TMEM154: variants seen among roughly 807,000 people sequenced by gnomAD.
TMEM154 encodes transmembrane protein 154.
In TMEM154, 27 loss-of-function variants were observed where a neutral mutation model predicts 24.5. The ratio of observed to expected loss-of-function variants is 1.10; its 90% CI spans 0.81 to 1.52. The LOEUF (loss-of-function observed/expected upper bound fraction) is 1.52, where lower values mean the gene tolerates loss of function less well. Among genes scored for constraint, TMEM154 ranks in the 40% most tolerant of loss-of-function variants. The pLI is 0.00. For synonymous variants in TMEM154, 67 were observed against 76.8 expected (o/e 0.87, Z 0.67); for missense variants, 228 against 213.4 (o/e 1.07, Z -0.43).
intron 1 of TMEM154, among the ~76,000 whole-genome samples, chr4:152,678,188 G>C (rs1284057645): frequency 6.6e-6 from 1 of 152,048 alleles, no homozygotes; most frequent in East Asian, 1.9e-4. Context: ...AGTCTAAGGG[G>C]CAAAAATGAG....
In TMEM154 at chr4:152,641,094, C is replaced by T. The variant is rs570473734; in HGVS notation, c.479-109G>A. ...GTTCTCTGATCTGCGTGGTTACTTG[C>T]ACAAAAATGGCCTCACCAAGGAGTG... On this transcript the variant is annotated intron_variant, in intron 5 of 6. Coordinates refer to ENST00000304385, the MANE Select transcript of TMEM154 (RefSeq NM_152680.3). 133 of 1,005,406 alleles carry T rather than the reference C, an allele frequency of 1.3e-4. No homozygotes were observed. The African/African-American group carries it at 2.1e-3, about 16-fold the overall frequency. 62.3% of individuals were successfully genotyped at this position (1,005,406 alleles called of 1,614,324 possible).
At chr4:152,635,301 A>C (rs1752127081) in intron 6 of TMEM154, among the ~76,000 whole-genome samples, 1 of 152,156 alleles carries the variant, frequency 6.6e-6, no homozygotes, top group South Asian at 2.1e-4. Context: ...TTGTCTTTTA[A>C]TTTATGAAAT....
intron 3 of TMEM154, chr4:152,646,686 A>C (rs1579518377): frequency 7.5e-6 from 3 of 399,274 alleles, no homozygotes; most frequent in South Asian, 4.8e-5. Flanking sequence ...TTCAGTTCCT[A>C]CTTCCCCCCC....
rs1184208423 is a variant in TMEM154 at position 152,618,804 on chromosome 4, AATAC to A, written c.*9738_*9741del. ...TTTAATGTAGCTAAAAATACAATAC[AATAC>A]ACACAATAGGACAATATGAAATAAA... is the stretch of plus-strand genomic sequence containing the variant. On this transcript the variant is annotated 3_prime_UTR_variant, in exon 7 of 7. Transcript: ENST00000304385. The A allele has an allele frequency of 6.6e-6, 1 of 152,226 alleles. No individual in the cohort carries two copies. The highest frequency in any genetic ancestry group is 1.5e-5 in the Non-Finnish European group (1 of 68,040). The allele number at this position is 152,226 out of a possible 1,614,324, so 9.4% of individuals were successfully genotyped here.
Position 152,626,745 on chromosome 4 carries a change from C to A in TMEM154, c.*1801G>T, listed in dbSNP as rs911090503. The A allele has an allele frequency of 3.9e-5, 6 of 152,064 alleles. No homozygotes were observed. The highest frequency in any genetic ancestry group is 1.3e-4 in the Admixed American group (2 of 15,264). 9.4% of individuals were successfully genotyped at this position (152,064 alleles called of 1,614,324 possible). ...CCCAGGTGTTCAAAGATCTTAGATA[C>A]CTAAAGAGAGAAAGGGGCAAATGGA... On this transcript the variant is annotated 3_prime_UTR_variant, in exon 7 of 7. Transcript: ENST00000304385.
At chr4:152,635,779 G>T (rs1752136878) in intron 6 of TMEM154, among the ~76,000 whole-genome samples, 3 of 152,214 alleles carry the variant, frequency 2.0e-5, no homozygotes, top group Non-Finnish European at 4.4e-5. Flanking sequence ...CTAGCATATA[G>T]AAAATGTGAT....
At chr4:152,666,076 CA>C (rs1228027228) in intron 1 of TMEM154, among the ~76,000 whole-genome samples, 1 of 152,034 alleles carries the variant, frequency 6.6e-6, no homozygotes, top group Non-Finnish European at 1.5e-5. Context: ...CATGAGCCAC[CA>C]AGTCCTACCA....
rs1751911609 is a variant in TMEM154 at position 152,625,990 on chromosome 4, A to T, written c.*2556T>A. 6.6e-6 allele frequency: 1 copy of T among 152,194 alleles called. No individual in the cohort carries two copies. The highest frequency in any genetic ancestry group is 1.5e-5 in the Non-Finnish European group (1 of 68,020). 9.4% of individuals were successfully genotyped at this position (152,194 alleles called of 1,614,324 possible). ...GACCAGTTTTACTCATCTTTATCACATTTGTTTGATGTGGGTTATCCAGGA... is the reference window on the plus strand; with the variant it reads ...GACCAGTTTTACTCATCTTTATCACTTTTGTTTGATGTGGGTTATCCAGGA... On this transcript the variant is annotated 3_prime_UTR_variant, in exon 7 of 7. Coordinates refer to ENST00000304385, the MANE Select transcript of TMEM154 (RefSeq NM_152680.3).
At chr4:152,667,431 T>G (rs1262857407) in intron 1 of TMEM154, among the ~76,000 whole-genome samples, 3 of 151,568 alleles carry the variant, frequency 2.0e-5, no homozygotes, top group Non-Finnish European at 4.4e-5. Context: ...GTTTTTTTTT[T>G]GTCAGGAGCA....
At chr4:152,634,003 G>A (rs575714756) in intron 6 of TMEM154, among the ~76,000 whole-genome samples, 34 of 129,918 alleles carry the variant, frequency 2.6e-4, no homozygotes, top group Middle Eastern at 4.7e-3. Context: ...CACTCTAGTC[G>A]TCTGGGCAAG....
intron 1 of TMEM154, chr4:152,666,463 G>C (rs559751824): frequency 6.6e-6 from 1 of 152,000 alleles, no homozygotes; most frequent in East Asian, 1.9e-4. Context: ...ACCCTCCACA[G>C]AAGCCTTTGG....
At chr4:152,641,272 A>C in intron 5 of TMEM154, 1 of 343,120 alleles carries the variant, frequency 2.9e-6, no homozygotes, top group Non-Finnish European at 5.3e-6. Context: ...AGTGCTCCAA[A>C]AGCTAGAATC....
rs1751833062 is a variant in TMEM154 at position 152,620,769 on chromosome 4, GGGAT to G, written c.*7773_*7776del. The G allele has an allele frequency of 6.6e-6, 1 of 152,140 alleles. No individual in the cohort carries two copies. The highest frequency in any genetic ancestry group is 2.4e-5 in the African/African-American group (1 of 41,396). The allele number at this position is 152,140 out of a possible 1,614,324, so 9.4% of individuals were successfully genotyped here. On this transcript the variant is annotated 3_prime_UTR_variant, in exon 7 of 7. Transcript: ENST00000304385. Reference sequence around the variant, plus strand: ...GCCTGCCTCGGCCTCCCAAAGTGGTGGGATTACAGGTGTGAGCCACTGCACCCCG... The same window carrying G: ...GCCTGCCTCGGCCTCCCAAAGTGGTGTACAGGTGTGAGCCACTGCACCCCG...
At chr4:152,661,320 CTCTCTCTCTCTCTCTCTCTCT>C in intron 1 of TMEM154, among the ~76,000 whole-genome samples, 2 of 146,216 alleles carry the variant, frequency 1.4e-5, no homozygotes, top group Non-Finnish European at 3.0e-5. Context: ...CTCTCTCTCT[CTCTCTCTCTCTCTCTCTCTCT>C]CCCCCCAACT....
chr4:152,665,883 G>T (rs2149788977), intron 1 of TMEM154, among the ~76,000 whole-genome samples: 1 of 151,234 alleles, frequency 6.6e-6, no homozygotes, highest in South Asian at 2.1e-4. Flanking sequence ...GCACTCCTGG[G>T]CTCAAGCAAA....
chr4:152,643,123 T>G lies in TMEM154; in HGVS notation c.443A>C (p.Glu148Ala), dbSNP rs200706942. 6.2e-7 allele frequency: 1 copy of G among 1,613,464 alleles called. No homozygotes were observed. The highest frequency in any genetic ancestry group is 2.2e-5 in the East Asian group (1 of 44,850). ...TPSVMEIEME[E>A]LDKWMNSMNR... ...CATGCTGTTCATCCATTTATCAAGC[T>G]CTTCCATTTCAATTTCCATAACAGA... The change falls in exon 5 of 7, where the codon GAG (glutamate) becomes GCG (alanine). Residue 148 changes from glutamate to alanine, a missense_variant. Glu to Ala is a moderately radical substitution (Grantham distance 107). Coordinates refer to ENST00000304385, the MANE Select transcript of TMEM154 (RefSeq NM_152680.3).
chr4:152,665,755 T>C (rs914393325), intron 1 of TMEM154, among the ~76,000 whole-genome samples: 18 of 151,606 alleles, frequency 1.2e-4, no homozygotes, highest in African/African-American at 3.9e-4. Flanking sequence ...CAGTTTCTGA[T>C]GTAATAGGTC....
At chr4:152,661,885 T>C (rs1311196722) in intron 1 of TMEM154, among the ~76,000 whole-genome samples, 1 of 152,216 alleles carries the variant, frequency 6.6e-6, no homozygotes. Context: ...TTCTGCTCCT[T>C]TGAGAGAAAC....
At chr4:152,630,827 T>C (rs1054408123) in intron 6 of TMEM154, among the ~76,000 whole-genome samples, 5 of 152,358 alleles carry the variant, frequency 3.3e-5, no homozygotes, top group Admixed American at 1.3e-4. Context: ...GATAATGATA[T>C]ATATTCTTTT....
Sources: gnomAD v4.1 joint callset for allele counts (sites outside exome capture counted in the v4.1 genomes callset) on GRCh38, gnomAD v4.1.1 for gene constraint, MANE v1.5 for transcripts, NCBI Gene and HGNC (gene_info 2026-07-23, HGNC 2026-07-21) for gene names.